The following CFAP61 variants were observed in gnomAD, a reference collection of about 807,000 sequenced individuals.
CFAP61 encodes the protein cilia and flagella associated protein 61.
In CFAP61, 107 loss-of-function variants were observed where a neutral mutation model predicts 135.6. The ratio of observed to expected loss-of-function variants is 0.79; its 90% CI spans 0.67 to 0.93. The LOEUF is 0.93. CFAP61 is among the 40% of genes least tolerant of loss of function. CFAP61 has a pLI of 0.00. For synonymous variants in CFAP61, 575 were observed against 578.5 expected (o/e 0.99, Z 0.09); for missense variants, 1,507 against 1,556.2 (o/e 0.97, Z 0.53).
At chr20:20,081,990 C>T (rs1160868015) in intron 6 of CFAP61, among the ~76,000 whole-genome samples, 1 of 152,190 alleles carries the variant, frequency 6.6e-6, no homozygotes, top group East Asian at 1.9e-4. Context: ...AGAAAGCCCT[C>T]TATCCACATG....
intron 6 of CFAP61, among the ~76,000 whole-genome samples, chr20:20,083,646 C>G (rs2046588662): frequency 6.6e-6 from 1 of 152,164 alleles, no homozygotes; most frequent in Non-Finnish European, 1.5e-5. Flanking sequence ...AACTTGACTT[C>G]TGAGCAATTT....
intron 7 of CFAP61, among the ~76,000 whole-genome samples, chr20:20,094,054 G>T (rs181976892): frequency 6.6e-6 from 1 of 152,286 alleles, no homozygotes; most frequent in Admixed American, 6.5e-5. Context: ...CTACATGAGG[G>T]TAAAACATAC....
At chr20:20,146,713 G>A (rs1462895220) in intron 9 of CFAP61, among the ~76,000 whole-genome samples, 1 of 152,196 alleles carries the variant, frequency 6.6e-6, no homozygotes, top group Non-Finnish European at 1.5e-5. Context: ...TAATTTGGGA[G>A]TGGAGAAAAC....
At chr20:20,202,171 A>G (rs2056655412) in intron 17 of CFAP61, among the ~76,000 whole-genome samples, 1 of 151,908 alleles carries the variant, frequency 6.6e-6, no homozygotes, top group African/African-American at 2.4e-5. Context: ...TGTGCCCCTC[A>G]CCCCTGAGCC....
At chr20:20,088,127 A>G (rs1008240415) in intron 6 of CFAP61, among the ~76,000 whole-genome samples, 2 of 152,222 alleles carry the variant, frequency 1.3e-5, no homozygotes, top group African/African-American at 4.8e-5. Context: ...TTTTAGCCTC[A>G]TCACTAGAAA....
intron 12 of CFAP61, among the ~76,000 whole-genome samples, chr20:20,168,539 T>C (rs114110177): frequency 6.5e-4 from 99 of 152,388 alleles, no homozygotes; most frequent in African/African-American, 2.3e-3. Context: ...TTATAAAATT[T>C]ACAGTTGGAT....
chr20:20,057,150 C>A (rs6046580), intron 2 of CFAP61, among the ~76,000 whole-genome samples: 32,631 of 149,372 alleles, frequency 0.22, 4,942 homozygotes, highest in East Asian at 0.83. Context: ...AAGAAGGTTC[C>A]TCAATTTTAT....
chr20:20,298,608 G>A (rs2055826539), intron 25 of CFAP61, among the ~76,000 whole-genome samples: 1 of 152,192 alleles, frequency 6.6e-6, no homozygotes, highest in Admixed American at 6.5e-5. Context: ...GGCCACACCA[G>A]GGCCTGGACC....
At chr20:20,173,802 A>G (rs1354885836) in intron 13 of CFAP61, among the ~76,000 whole-genome samples, 1 of 152,224 alleles carries the variant, frequency 6.6e-6, no homozygotes, top group Non-Finnish European at 1.5e-5. Context: ...GAATAAATAC[A>G]ATTGAATAAA....
intron 22 of CFAP61, among the ~76,000 whole-genome samples, chr20:20,286,425 C>T (rs2147059727): frequency 6.6e-6 from 1 of 152,328 alleles, no homozygotes; most frequent in African/African-American, 2.4e-5. Context: ...TTCTGGAGAC[C>T]TTGCACAGTG....
At chr20:20,200,041 G>GC in intron 17 of CFAP61, 139 bp downstream of exon 17, 1 of 1,015,924 alleles carries the variant, frequency 9.8e-7, no homozygotes, top group Admixed American at 2.5e-5. Context: ...TACAGGCGGA[G>GC]CCCCGCGAAG....
intron 18 of CFAP61, 76 bp from the exon 19 acceptor site, chr20:20,246,041 G>A (rs1287045979): frequency 3.3e-6 from 3 of 915,554 alleles, no homozygotes; most frequent in Non-Finnish European, 5.2e-6. Flanking sequence ...GTGATATAAA[G>A]TTAAATTGAA....
At chr20:20,060,019 C>T (rs914344829) in intron 2 of CFAP61, among the ~76,000 whole-genome samples, 3 of 151,684 alleles carry the variant, frequency 2.0e-5, no homozygotes, top group South Asian at 4.2e-4. Context: ...CAACTGTACC[C>T]ATCATAATGA....
intron 25 of CFAP61, among the ~76,000 whole-genome samples, chr20:20,332,142 G>C (rs534105327): frequency 1.5e-4 from 23 of 152,326 alleles, no homozygotes; most frequent in African/African-American, 5.3e-4. Flanking sequence ...AAGAGGCAGA[G>C]CACTAAGACT....
At chr20:20,252,326 A>G (rs1479268365) in intron 20 of CFAP61, among the ~76,000 whole-genome samples, 1 of 152,194 alleles carries the variant, frequency 6.6e-6, no homozygotes, top group African/African-American at 2.4e-5. Context: ...AAGCTGTTCA[A>G]TGTCTTAGGG....
rs1018746295 is a variant in CFAP61 at position 20,210,181 on chromosome 20, A to G, written c.1932+10279A>G. Among the ~76,000 whole-genome samples, 22 of 152,080 alleles carry G rather than the reference A, an allele frequency of 1.4e-4. 1 individual carries two copies. Among genetic ancestry groups the G allele is most frequent in the Admixed American group, 1.4e-3 (21 of 15,270 alleles). ...CCTTGTGAGGCAGTCTCCTTCCTGT[A>G]TTCTCCAAAATCTTTGTAGGGATCC... is the stretch of plus-strand genomic sequence containing the variant. On this transcript the variant is annotated intron_variant, in intron 17 of 26. Transcript: ENST00000245957.
chr20:20,070,621 A>T (rs1331366630), intron 2 of CFAP61, among the ~76,000 whole-genome samples: 5 of 152,220 alleles, frequency 3.3e-5, no homozygotes, highest in Non-Finnish European at 7.3e-5. Context: ...AATATCATAA[A>T]TGTAATACCT....
chr20:20,139,165 G>A (rs73113677), intron 8 of CFAP61, among the ~76,000 whole-genome samples: 19 of 152,234 alleles, frequency 1.2e-4, no homozygotes, highest in South Asian at 2.1e-4. Context: ...TTTGCACTCC[G>A]TATGTATTAT....
At chr20:20,155,738 A>G (rs188559117) in intron 9 of CFAP61, among the ~76,000 whole-genome samples, 2 of 152,332 alleles carry the variant, frequency 1.3e-5, no homozygotes, top group Non-Finnish European at 2.9e-5. Context: ...TACTCCTACA[A>G]GAATGGCTAT....
Sources: allele counts gnomAD v4.1 joint callset (sites outside exome capture counted in the v4.1 genomes callset), GRCh38; gene constraint gnomAD v4.1.1; transcripts MANE v1.5; gene names NCBI Gene and HGNC (gene_info 2026-07-23, HGNC 2026-07-21).